Variants in MACROD2 observed in about 807,000 individuals in gnomAD.
MACROD2 encodes mono-ADP ribosylhydrolase 2.
Under a neutral mutation model 70.4 loss-of-function variants are expected in MACROD2, and 36 were observed. That is an observed-to-expected ratio of 0.51 (90% confidence interval 0.39 to 0.68). The LOEUF is 0.68. MACROD2 is among the 30% of genes least tolerant of loss of function. MACROD2 has a pLI of 0.00. For missense variants in MACROD2, 496 were observed against 538.4 expected, an observed-to-expected ratio of 0.92 and a Z score of 0.78; for synonymous variants, 172 against 178.8, an observed-to-expected ratio of 0.96 and a Z score of 0.30.
chr20:14,523,100 T>A (rs1827574354), intron 4 of MACROD2, among the ~76,000 whole-genome samples: 1 of 152,164 alleles, frequency 6.6e-6, no homozygotes, highest in Admixed American at 6.5e-5. Context: ...CATTTTCCGA[T>A]TTTCATAGAT....
chr20:14,062,050 A>G (rs577391012), intron 2 of MACROD2, among the ~76,000 whole-genome samples: 11 of 152,304 alleles, frequency 7.2e-5, no homozygotes, highest in African/African-American at 2.4e-4. Context: ...AGCTTTGAAG[A>G]ATAGTGATCT....
intron 10 of MACROD2, among the ~76,000 whole-genome samples, chr20:15,928,123 G>A (rs2065518963): frequency 6.6e-6 from 1 of 152,172 alleles, no homozygotes; most frequent in African/African-American, 2.4e-5. Context: ...TTGTATTGTG[G>A]TTATGAAAAA....
At chr20:14,234,090 A>G (rs2079849592) in intron 3 of MACROD2, among the ~76,000 whole-genome samples, 2 of 152,230 alleles carry the variant, frequency 1.3e-5, no homozygotes, top group Non-Finnish European at 2.9e-5. Context: ...ATCAGTTGTA[A>G]CAAATGTACC....
intron 5 of MACROD2, among the ~76,000 whole-genome samples, chr20:14,942,577 G>A (rs1020891213): frequency 2.5e-4 from 38 of 152,232 alleles, no homozygotes; most frequent in African/African-American, 8.2e-4. Flanking sequence ...TTCAGGATAC[G>A]TAACAAATCA....
intron 3 of MACROD2, among the ~76,000 whole-genome samples, chr20:14,289,157 T>G (rs2082366486): frequency 6.6e-6 from 1 of 152,208 alleles, no homozygotes; most frequent in South Asian, 2.1e-4. Flanking sequence ...GGGGACTCTA[T>G]TCAGTACAGA....
intron 5 of MACROD2, among the ~76,000 whole-genome samples, chr20:15,040,309 C>T (rs908461792): frequency 6.2e-5 from 8 of 128,928 alleles, no homozygotes; most frequent in East Asian, 2.1e-4. Context: ...AGCGAGACTC[C>T]GTCTCAGGAA....
chr20:15,696,420 T>C (rs2050372471), intron 8 of MACROD2, among the ~76,000 whole-genome samples: 1 of 152,226 alleles, frequency 6.6e-6, no homozygotes, highest in Admixed American at 6.5e-5. Context: ...GATTATCCCT[T>C]TCAGATGCTG....
intron 3 of MACROD2, among the ~76,000 whole-genome samples, chr20:14,387,723 A>C (rs1172606751): frequency 6.6e-6 from 1 of 152,228 alleles, no homozygotes; most frequent in African/African-American, 2.4e-5. Context: ...AGCTGGGGCT[A>C]AAGGATGGTA....
chr20:14,421,065 C>T (rs929243858), intron 3 of MACROD2, among the ~76,000 whole-genome samples: 3 of 152,150 alleles, frequency 2.0e-5, no homozygotes, highest in Admixed American at 1.3e-4. Flanking sequence ...TATCAAAACA[C>T]GCTTGGTAAT....
At chr20:15,786,493 A>G (rs1038548522) in intron 8 of MACROD2, among the ~76,000 whole-genome samples, 1 of 152,246 alleles carries the variant, frequency 6.6e-6, no homozygotes, top group African/African-American at 2.4e-5. Flanking sequence ...GATGTATTAT[A>G]GTATCTGATG....
intron 3 of MACROD2, among the ~76,000 whole-genome samples, chr20:14,234,437 C>A (rs1483694024): frequency 1.3e-5 from 2 of 152,070 alleles, no homozygotes; most frequent in East Asian, 1.9e-4. Context: ...ATTCTTAGTT[C>A]ATCTGTTATT....
At chr20:14,380,881 T>C (rs994536473) in intron 3 of MACROD2, among the ~76,000 whole-genome samples, 1 of 152,206 alleles carries the variant, frequency 6.6e-6, no homozygotes, top group African/African-American at 2.4e-5. Flanking sequence ...GTTTTTCCTA[T>C]TCAGGGCTCT....
At chr20:14,440,952 C>G (rs2084115116) in intron 3 of MACROD2, among the ~76,000 whole-genome samples, 1 of 152,124 alleles carries the variant, frequency 6.6e-6, no homozygotes, top group Non-Finnish European at 1.5e-5. Flanking sequence ...TAAACAGAGC[C>G]TAGGACTCAC....
chr20:15,606,396 T>A (rs188537672), intron 8 of MACROD2, among the ~76,000 whole-genome samples: 1 of 152,124 alleles, frequency 6.6e-6, no homozygotes, highest in African/African-American at 2.4e-5. Context: ...GCTGTTTTTT[T>A]CTTCTTCAGT....
At chr20:14,852,218 C>T (rs928804916) in intron 5 of MACROD2, among the ~76,000 whole-genome samples, 4 of 151,974 alleles carry the variant, frequency 2.6e-5, no homozygotes, top group African/African-American at 2.4e-5. Flanking sequence ...TCTTGGACAG[C>T]GAGGTGGCCA....
intron 12 of MACROD2, among the ~76,000 whole-genome samples, chr20:15,963,023 T>C (rs2066085419): frequency 6.6e-6 from 1 of 152,208 alleles, no homozygotes. Context: ...CTAGTTTATT[T>C]AGATAAGCAC....
intron 5 of MACROD2, among the ~76,000 whole-genome samples, chr20:15,059,262 G>A (rs183855665): frequency 6.6e-6 from 1 of 152,204 alleles, no homozygotes; most frequent in African/African-American, 2.4e-5. Flanking sequence ...GCGCATGCCT[G>A]TAATCACAGC....
At chr20:14,682,667 T>C (rs2070948122) in intron 4 of MACROD2, among the ~76,000 whole-genome samples, 1 of 152,114 alleles carries the variant, frequency 6.6e-6, no homozygotes, top group Non-Finnish European at 1.5e-5. Context: ...ATGGCATTGA[T>C]GGGCTTTTAT....
At chr20:15,550,439 C>T (rs1385238026) in intron 8 of MACROD2, among the ~76,000 whole-genome samples, 5 of 151,742 alleles carry the variant, frequency 3.3e-5, no homozygotes, top group Non-Finnish European at 7.4e-5. Flanking sequence ...TATTCCTTTC[C>T]AGTATATCCC....
Sources: allele counts gnomAD v4.1 joint callset (sites outside exome capture counted in the v4.1 genomes callset), GRCh38; gene constraint gnomAD v4.1.1; transcripts MANE v1.5; gene names NCBI Gene and HGNC (gene_info 2026-07-23, HGNC 2026-07-21).